The following KCNH1 variants were observed in gnomAD, a reference collection of about 807,000 sequenced individuals.
KCNH1 encodes the protein potassium voltage-gated channel subfamily H member 1, also known as voltage-gated delayed rectifier potassium channel KCNH1.
KCNH1 carries 27 observed loss-of-function variants against 69.2 expected under a neutral mutation model. That is an observed-to-expected ratio of 0.39 (90% CI 0.29 to 0.54). The LOEUF is 0.54. Among genes scored for constraint, KCNH1 ranks in the 20% least tolerant of loss-of-function variants. KCNH1 has a pLI of 0.68. For synonymous variants in KCNH1, 456 were observed against 487.7 expected, an observed-to-expected ratio of 0.93 and a Z score of 0.86; for missense variants, 798 against 1,261.6, an observed-to-expected ratio of 0.63 and a Z score of 5.57.
chr1:211,000,239 T>A (rs61850223), intron 6 of KCNH1, among the ~76,000 whole-genome samples: 7 of 152,264 alleles, frequency 4.6e-5, no homozygotes, highest in African/African-American at 9.6e-5. Flanking sequence ...TTTGCAGATG[T>A]CATGATTGTA....
chr1:210,817,535 G>A (rs745521392), intron 7 of KCNH1, among the ~76,000 whole-genome samples: 19 of 152,278 alleles, frequency 1.2e-4, no homozygotes, highest in East Asian at 1.9e-4. Flanking sequence ...GCCAGTAACA[G>A]ATGGAAGAAA....
chr1:211,033,205 C>T (rs567813897), intron 5 of KCNH1, among the ~76,000 whole-genome samples: 1 of 152,294 alleles, frequency 6.6e-6, no homozygotes, highest in East Asian at 1.9e-4. Flanking sequence ...ATCAAAACCA[C>T]AATGAGATAC....
intron 9 of KCNH1, among the ~76,000 whole-genome samples, chr1:210,793,887 G>A (rs893032312): frequency 2.6e-5 from 4 of 152,190 alleles, no homozygotes; most frequent in Non-Finnish European, 4.4e-5. Context: ...GAATCATGCA[G>A]AGTGATGGCT....
intron 6 of KCNH1, among the ~76,000 whole-genome samples, chr1:210,946,861 T>C (rs1406081128): frequency 6.6e-6 from 1 of 152,152 alleles, no homozygotes; most frequent in Non-Finnish European, 1.5e-5. Context: ...CTTTCTGCTT[T>C]TCACCTAGCC....
chr1:210,924,447 C>T (rs1422485117), intron 6 of KCNH1, among the ~76,000 whole-genome samples: 2 of 152,160 alleles, frequency 1.3e-5, no homozygotes, highest in Non-Finnish European at 2.9e-5. Flanking sequence ...CATTGATACT[C>T]TATTACATGG....
At chr1:210,849,752 GCTCCAT>G (rs1236153265) in intron 7 of KCNH1, among the ~76,000 whole-genome samples, 1 of 151,938 alleles carries the variant, frequency 6.6e-6, no homozygotes, top group Non-Finnish European at 1.5e-5. Context: ...AGAAGAAGGA[GCTCCAT>G]CTACCCCACC....
chr1:210,799,487 G>T (rs1288011151), intron 8 of KCNH1, among the ~76,000 whole-genome samples: 1 of 152,154 alleles, frequency 6.6e-6, no homozygotes, highest in Non-Finnish European at 1.5e-5. Context: ...CTTCTGAAAA[G>T]ATTAAAAATT....
At chr1:211,062,351 CT>C (rs1439386097) in intron 5 of KCNH1, among the ~76,000 whole-genome samples, 2 of 152,102 alleles carry the variant, frequency 1.3e-5, no homozygotes, top group Non-Finnish European at 2.9e-5. Flanking sequence ...TAATACCTAA[CT>C]ATGAAACCAC....
chr1:210,903,824 A>T (rs1687044255), intron 7 of KCNH1, among the ~76,000 whole-genome samples: 2 of 152,192 alleles, frequency 1.3e-5, no homozygotes, highest in African/African-American at 4.8e-5. Flanking sequence ...AGGTTACTTT[A>T]CCTATCATCA....
At chr1:210,816,721 T>C (rs1004871627) in intron 7 of KCNH1, among the ~76,000 whole-genome samples, 15 of 152,324 alleles carry the variant, frequency 9.8e-5, no homozygotes, top group Non-Finnish European at 1.9e-4. Context: ...AACAAAGCCA[T>C]TTAAAATAAC....
intron 7 of KCNH1, among the ~76,000 whole-genome samples, chr1:210,816,842 A>G (rs1275271431): frequency 6.6e-6 from 1 of 152,192 alleles, no homozygotes; most frequent in Non-Finnish European, 1.5e-5. Flanking sequence ...CTCGACGTTT[A>G]TTTTTCTTCT....
chr1:210,996,738 A>G (rs1357641069), intron 6 of KCNH1, among the ~76,000 whole-genome samples: 1 of 152,240 alleles, frequency 6.6e-6, no homozygotes, highest in Admixed American at 6.5e-5. Flanking sequence ...ACCCCCCAGT[A>G]GGGGCAGACT....
intron 1 of KCNH1, chr1:211,132,584 A>G (rs1691896735): frequency 1.3e-5 from 2 of 152,200 alleles, no homozygotes; most frequent in South Asian, 4.1e-4. Flanking sequence ...AACTTAAATC[A>G]CTGTTTAATT....
intron 6 of KCNH1, among the ~76,000 whole-genome samples, chr1:211,011,740 C>A (rs1689399313): frequency 6.6e-6 from 1 of 152,224 alleles, no homozygotes; most frequent in South Asian, 2.1e-4. Context: ...CACGTACACA[C>A]CCCAGGTAGG....
At chr1:210,915,900 T>C (rs1687324176) in intron 7 of KCNH1, among the ~76,000 whole-genome samples, 1 of 152,140 alleles carries the variant, frequency 6.6e-6, no homozygotes, top group East Asian at 1.9e-4. Context: ...ACACTATTAC[T>C]AAGGCATATA....
chr1:210,937,278 T>TA (rs1238478216), intron 6 of KCNH1, among the ~76,000 whole-genome samples: 2 of 152,246 alleles, frequency 1.3e-5, no homozygotes, highest in Admixed American at 6.5e-5. Context: ...TTGACACTTG[T>TA]AATGAACATT....
At chr1:210,760,294 T>C (rs1202738699) in intron 10 of KCNH1, among the ~76,000 whole-genome samples, 1 of 152,166 alleles carries the variant, frequency 6.6e-6, no homozygotes, top group East Asian at 1.9e-4. Context: ...AATACTATAA[T>C]ATGACCCTTT....
chr1:210,725,153 G>A (rs1160764804), intron 10 of KCNH1, among the ~76,000 whole-genome samples: 1 of 152,116 alleles, frequency 6.6e-6, no homozygotes, highest in Non-Finnish European at 1.5e-5. Context: ...TTCCTGGCTA[G>A]CATTCCCTCT....
chr1:210,997,449 G>T (rs927999822), intron 6 of KCNH1, among the ~76,000 whole-genome samples: 5 of 152,098 alleles, frequency 3.3e-5, no homozygotes, highest in Admixed American at 2.0e-4. Flanking sequence ...AAGCGAGAAG[G>T]TAAGTTTAGA....
Sources: allele counts gnomAD v4.1 joint callset (sites outside exome capture counted in the v4.1 genomes callset), GRCh38; gene constraint gnomAD v4.1.1; transcripts MANE v1.5; gene names NCBI Gene and HGNC (gene_info 2026-07-23, HGNC 2026-07-21).